GPHN: variants seen among roughly 807,000 people sequenced by gnomAD.
The protein encoded by GPHN is gephyrin.
Under a neutral mutation model 95.5 loss-of-function variants are expected in GPHN, and 17 were observed. The observed-to-expected ratio is 0.18, with a 90% confidence interval of 0.12 to 0.27. GPHN has a LOEUF of 0.27. Among genes scored for constraint, GPHN ranks in the 10% least tolerant of loss-of-function variants. The pLI is 1.00. For missense variants in GPHN, 660 were observed against 978.1 expected, an observed-to-expected ratio of 0.67 and a Z score of 4.34; for synonymous variants, 320 against 322.5, an observed-to-expected ratio of 0.99 and a Z score of 0.08.
At chr14:67,353,078 A>G in the GPHN span, 13 of 1,497,858 alleles carry the variant, frequency 8.7e-6, no homozygotes, top group Middle Eastern at 1.7e-4. Context: ...ATCTATTCTC[A>G]TTGTTTAAAA....
At chr14:67,142,981 A>G in intron 17 of GPHN, 1 of 308,448 alleles carries the variant, frequency 3.2e-6, no homozygotes, top group Non-Finnish European at 6.3e-6. Flanking sequence ...CCAACACCTC[A>G]GGTAACCAAT....
chr14:67,022,767 T>C (rs2073726429), intron 9 of GPHN, among the ~76,000 whole-genome samples: 1 of 151,722 alleles, frequency 6.6e-6, no homozygotes, highest in Admixed American at 6.6e-5. Context: ...CTATAGAAAT[T>C]AATTTGTTGT....
intron 21 of GPHN, among the ~76,000 whole-genome samples, chr14:67,176,253 C>T (rs1375008330): frequency 6.6e-6 from 1 of 152,142 alleles, no homozygotes; most frequent in Admixed American, 6.5e-5. Context: ...TACATTCCAT[C>T]AATACCTAGT....
intron 9 of GPHN, among the ~76,000 whole-genome samples, chr14:66,978,183 T>A (rs1420444682): frequency 6.6e-6 from 1 of 152,232 alleles, no homozygotes; most frequent in Non-Finnish European, 1.5e-5. Context: ...GTAGAGGGTC[T>A]TGCCTCAATG....
the GPHN span, among the ~76,000 whole-genome samples, chr14:67,618,867 T>A: frequency 6.6e-6 from 1 of 152,238 alleles, no homozygotes; most frequent in African/African-American, 2.4e-5. Context: ...AAAACTCCTT[T>A]GGAGTTATGG....
chr14:67,664,288 C>T, the GPHN span, among the ~76,000 whole-genome samples: 1 of 152,124 alleles, frequency 6.6e-6, no homozygotes, highest in South Asian at 2.1e-4. Flanking sequence ...CCATCAAATA[C>T]CTCCCCATTC....
chr14:67,396,904 T>G, the GPHN span, among the ~76,000 whole-genome samples: 7 of 152,268 alleles, frequency 4.6e-5, no homozygotes, highest in African/African-American at 7.2e-5. Flanking sequence ...GCAAATGTCT[T>G]GGCACATGAT....
chr14:67,105,983 T>C (rs1393134830), intron 13 of GPHN, among the ~76,000 whole-genome samples: 1 of 152,156 alleles, frequency 6.6e-6, no homozygotes, highest in Non-Finnish European at 1.5e-5. Context: ...ATTAATCTGG[T>C]CTACCAGTGA....
chr14:67,000,755 T>C (rs1289713936), intron 9 of GPHN, among the ~76,000 whole-genome samples: 1 of 151,608 alleles, frequency 6.6e-6, no homozygotes, highest in Non-Finnish European at 1.5e-5. Context: ...TATATATCTC[T>C]CTCTCTGACA....
intron 1 of GPHN, among the ~76,000 whole-genome samples, chr14:66,593,278 G>A (rs1442770517): frequency 2.0e-5 from 3 of 150,932 alleles, no homozygotes; most frequent in Admixed American, 6.6e-5. Context: ...TTTTGCACAT[G>A]TATCCCAGAA....
the GPHN span, among the ~76,000 whole-genome samples, chr14:67,327,580 G>C: frequency 7.2e-5 from 11 of 151,954 alleles, no homozygotes; most frequent in Non-Finnish European, 4.4e-5. Flanking sequence ...ATGTTGGTGT[G>C]CTGCACCCGT....
the GPHN span, among the ~76,000 whole-genome samples, chr14:67,708,418 A>G: frequency 6.6e-6 from 1 of 152,132 alleles, no homozygotes; most frequent in Non-Finnish European, 1.5e-5. Context: ...TGCATTTAAG[A>G]ACACCTGTTA....
the GPHN span, among the ~76,000 whole-genome samples, chr14:67,232,916 T>G: frequency 1.3e-5 from 2 of 152,128 alleles, no homozygotes; most frequent in African/African-American, 4.8e-5. Context: ...GTCTAAATAT[T>G]TAGTCAGGTC....
At chr14:67,709,340 T>C in the GPHN span, among the ~76,000 whole-genome samples, 1 of 152,224 alleles carries the variant, frequency 6.6e-6, no homozygotes, top group Admixed American at 6.5e-5. Flanking sequence ...AAAAACAGCA[T>C]GAAGCCAATT....
At chr14:67,598,893 A>G in the GPHN span, among the ~76,000 whole-genome samples, 1,130 of 152,044 alleles carry the variant, frequency 7.4e-3, 18 homozygotes, top group African/African-American at 0.026. Flanking sequence ...AATTTTTCGT[A>G]GAGACGTGGT....
At chr14:66,631,099 G>A (rs2063784855) in intron 1 of GPHN, among the ~76,000 whole-genome samples, 1 of 151,800 alleles carries the variant, frequency 6.6e-6, no homozygotes, top group South Asian at 2.1e-4. Flanking sequence ...CGCCCAGGCT[G>A]GAGTGCAGTG....
At chr14:66,789,134 A>G (rs1733116770) in intron 3 of GPHN, among the ~76,000 whole-genome samples, 1 of 152,256 alleles carries the variant, frequency 6.6e-6, no homozygotes, top group South Asian at 2.1e-4. Context: ...ACTATCCAGT[A>G]TGTTCACACA....
intron 3 of GPHN, among the ~76,000 whole-genome samples, chr14:66,800,906 G>A (rs923328286): frequency 6.6e-5 from 10 of 151,928 alleles, no homozygotes; most frequent in Non-Finnish European, 1.5e-4. Context: ...TCTCCTCTGT[G>A]TAGTTTCAAA....
rs576722017 is a variant in GPHN, at chr14:66,530,749, A to G, written c.64+22158A>G. ...CCCTTTGTGCTTCCTGGGTGAGGCAATGCCCCACCCTGCTTCTGCTCGCCC... is the reference window on the plus strand; with the variant it reads ...CCCTTTGTGCTTCCTGGGTGAGGCAGTGCCCCACCCTGCTTCTGCTCGCCC... On this transcript the variant is annotated intron_variant, in intron 1 of 22. Transcript: ENST00000478722. 1.5e-4 allele frequency among the ~76,000 whole-genome samples: 23 copies of G among 152,044 alleles called. No homozygotes were observed. In the South Asian group the frequency reaches 2.9e-3, roughly 19 times the overall value.
Sources: allele counts gnomAD v4.1 joint callset (sites outside exome capture counted in the v4.1 genomes callset), GRCh38; gene constraint gnomAD v4.1.1; transcripts MANE v1.5; gene names NCBI Gene and HGNC (gene_info 2026-07-23, HGNC 2026-07-21).